Variants in LRP5 observed in about 807,000 individuals in gnomAD.
The protein encoded by LRP5 is low-density lipoprotein receptor-related protein 5.
In LRP5, 62 loss-of-function variants were observed where a neutral mutation model predicts 154.1. The ratio of observed to expected loss-of-function variants is 0.40; its 90% CI spans 0.33 to 0.50. LRP5 has a LOEUF of 0.50. LRP5 is among the 20% of genes least tolerant of loss of function. The probability of loss-of-function intolerance (pLI) is 0.55; values close to 1 mark genes in which losing one functional copy is unlikely to be tolerated. For missense variants in LRP5, 1,915 were observed against 2,336.7 expected (o/e 0.82, Z 3.72); for synonymous variants, 966 against 1,011.5 (o/e 0.96, Z 0.85).
chr11:68,439,873 C>CGTCCAG lies in LRP5; in HGVS notation c.4446_4451dup (p.Ser1483_Ser1484insArgSer). On this transcript the variant is annotated inframe_insertion, in exon 21 of 23. Coordinates refer to ENST00000294304, the MANE Select transcript of LRP5 (RefSeq NM_002335.4). Reference sequence around the variant, plus strand: ...GACCGGAACCACGTCACAGGGGCCTCGTCCAGCAGCTCGTCCAGCACGAAG... The same window carrying CGTCCAG: ...GACCGGAACCACGTCACAGGGGCCTCGTCCAGGTCCAGCAGCTCGTCCAGCACGAAG... 2 of 1,593,230 alleles carry CGTCCAG rather than the reference C, an allele frequency of 1.3e-6. No individual in the cohort carries two copies. The highest frequency in any genetic ancestry group is 1.7e-6 in the Non-Finnish European group (2 of 1,172,292).
At chr11:68,360,889 C>T (rs1428056167) in intron 3 of LRP5, among the ~76,000 whole-genome samples, 2 of 145,940 alleles carry the variant, frequency 1.4e-5, no homozygotes, top group African/African-American at 2.5e-5. Flanking sequence ...CCCAGCTACT[C>T]GGGAGGCTGA....
At chr11:68,374,376 C>G (rs2098636181) in intron 5 of LRP5, among the ~76,000 whole-genome samples, 2 of 152,204 alleles carry the variant, frequency 1.3e-5, no homozygotes, top group African/African-American at 4.8e-5. Context: ...CCGAGTCTGC[C>G]GCGGCCGGGC....
chr11:68,443,003 T>A (rs1316742164), intron 21 of LRP5, among the ~76,000 whole-genome samples: 2 of 152,140 alleles, frequency 1.3e-5, no homozygotes, highest in Non-Finnish European at 2.9e-5. Flanking sequence ...CCTGCTGCGG[T>A]TGAACCTTGG....
chr11:68,421,514 G>A (rs1321225289), intron 13 of LRP5, among the ~76,000 whole-genome samples: 3 of 152,166 alleles, frequency 2.0e-5, no homozygotes, highest in African/African-American at 7.2e-5. Context: ...AGCTGTACCA[G>A]TCCAGGGTCC....
At chr11:68,340,575 G>A (rs1488711998) in intron 1 of LRP5, among the ~76,000 whole-genome samples, 1 of 152,198 alleles carries the variant, frequency 6.6e-6, no homozygotes, top group African/African-American at 2.4e-5. Flanking sequence ...ACAGGATGTT[G>A]AGGTCAGAGG....
At chr11:68,357,893 C>T in intron 3 of LRP5, 46 bp downstream of exon 3, 1 of 1,557,386 alleles carries the variant, frequency 6.4e-7, no homozygotes, top group Non-Finnish European at 8.7e-7. Flanking sequence ...CCTTTGTCCC[C>T]AGGGCTTTTG....
At chr11:68,429,491 C>T (rs2098670758) in intron 16 of LRP5, 84 bp from the exon 17 acceptor site, 2 of 1,578,086 alleles carry the variant, frequency 1.3e-6, no homozygotes, top group Non-Finnish European at 8.7e-7. Flanking sequence ...CTCATGAGTT[C>T]TCATTTGGCC....
chr11:68,328,710 T>C (rs1041075353), intron 1 of LRP5, among the ~76,000 whole-genome samples: 1 of 152,268 alleles, frequency 6.6e-6, no homozygotes, highest in Non-Finnish European at 1.5e-5. Flanking sequence ...GCGTTTGCTG[T>C]GTGGCCTCGC....
chr11:68,362,879 G>A (rs549890575), intron 3 of LRP5, among the ~76,000 whole-genome samples: 3 of 152,116 alleles, frequency 2.0e-5, no homozygotes, highest in South Asian at 2.1e-4. Context: ...GGGACGTGGC[G>A]GGGACCCTCT....
intron 1 of LRP5, among the ~76,000 whole-genome samples, chr11:68,326,808 C>T (rs2098599971): frequency 6.6e-6 from 1 of 152,240 alleles, no homozygotes; most frequent in African/African-American, 2.4e-5. Context: ...TGTCTCCACA[C>T]CAGAGTCCTT....
At chr11:68,397,261 T>C (rs2098649959) in intron 7 of LRP5, among the ~76,000 whole-genome samples, 1 of 151,980 alleles carries the variant, frequency 6.6e-6, no homozygotes, top group Admixed American at 6.6e-5. Context: ...TGCCCTTCTC[T>C]CCTCTGCCCC....
intron 1 of LRP5, among the ~76,000 whole-genome samples, chr11:68,342,924 C>G (rs772613128): frequency 6.6e-6 from 1 of 152,244 alleles, no homozygotes; most frequent in Non-Finnish European, 1.5e-5. Flanking sequence ...CTGCCTCCCT[C>G]GGCTGGGCTG....
upstream of LRP5, among the ~76,000 whole-genome samples, chr11:68,310,817 GA>G (rs1281413888): frequency 2.0e-5 from 3 of 151,952 alleles, no homozygotes; most frequent in African/African-American, 7.3e-5. Context: ...CCTGAGGCAG[GA>G]GTGCACCTGG....
chr11:68,355,827 A>C (rs1264977098), intron 2 of LRP5, among the ~76,000 whole-genome samples: 1 of 151,934 alleles, frequency 6.6e-6, no homozygotes, highest in African/African-American at 2.4e-5. Flanking sequence ...TTCAGGGTCC[A>C]TCCCAGCCAT....
chr11:68,407,706 G>T (rs1160003622), intron 9 of LRP5, among the ~76,000 whole-genome samples: 1 of 151,816 alleles, frequency 6.6e-6, no homozygotes, highest in Non-Finnish European at 1.5e-5. Context: ...AATTAACCGG[G>T]CATGGCGGCG....
intron 7 of LRP5, among the ~76,000 whole-genome samples, chr11:68,394,380 A>G (rs999049787): frequency 2.0e-5 from 3 of 152,096 alleles, no homozygotes; most frequent in African/African-American, 7.2e-5. Context: ...GTCCAGGAAC[A>G]GGGGGGTCGC....
upstream of LRP5, among the ~76,000 whole-genome samples, chr11:68,308,057 CGG>C (rs1221577871): frequency 3.3e-5 from 5 of 152,234 alleles, no homozygotes; most frequent in African/African-American, 1.2e-4. Flanking sequence ...AGGCCGATGG[CGG>C]CCTTCCCTGG....
At chr11:68,373,157 G>C (rs1277349057) in intron 5 of LRP5, among the ~76,000 whole-genome samples, 1 of 151,982 alleles carries the variant, frequency 6.6e-6, no homozygotes, top group Non-Finnish European at 1.5e-5. Context: ...ACTCCCTCCT[G>C]GGTGTCTGAC....
In LRP5 at chr11:68,425,980, G is replaced by A. The variant is rs754889690; in HGVS notation, c.3430G>A (p.Ala1144Thr). Residue 1144 changes from alanine to threonine, a missense_variant and splice_region_variant, in exon 16 of 23, where the codon GCC (alanine) becomes ACC (threonine). By Grantham distance (58) the Ala-to-Thr change is moderately conservative. Transcript: ENST00000294304. ...KRIESCDLSG[A>T]NRLTLEDANI... ...GGGGGCCCACGGGCTGCTTGCAGGG[G>A]CCAACCGCCTGACCCTGGAGGACGC... The A allele has an allele frequency of 3.7e-6, 6 of 1,610,230 alleles. No homozygotes were observed. The Admixed American group carries it at 8.3e-5, about 22-fold the overall frequency.
Sources: allele counts gnomAD v4.1 joint callset (sites outside exome capture counted in the v4.1 genomes callset), GRCh38; gene constraint gnomAD v4.1.1; transcripts MANE v1.5; gene names NCBI Gene and HGNC (gene_info 2026-07-23, HGNC 2026-07-21).